TMEM108: variants seen among roughly 807,000 people sequenced by gnomAD.
The protein encoded by TMEM108 is cancer/testis antigen 124.
Under a neutral mutation model 35.1 loss-of-function variants are expected in TMEM108, and 12 were observed. The observed-to-expected ratio is 0.34, with a 90% CI of 0.22 to 0.55. The LOEUF is 0.55. Ranked by LOEUF, TMEM108 falls within the 20% of genes least tolerant of loss-of-function variation. The pLI, the probability that TMEM108 is intolerant of heterozygous loss-of-function variation, is 0.89. For missense variants in TMEM108, 680 were observed against 753.3 expected (o/e 0.90, Z 1.14); for synonymous variants, 287 against 308.6 (o/e 0.93, Z 0.73).
intron 2 of TMEM108, among the ~76,000 whole-genome samples, chr3:133,073,987 G>T (rs975358078): frequency 6.6e-6 from 1 of 151,884 alleles, no homozygotes; most frequent in African/African-American, 2.4e-5. Flanking sequence ...CAGGTCCTTT[G>T]CCCCCCATTT....
At chr3:133,293,952 A>C (rs1463906778) in intron 3 of TMEM108, among the ~76,000 whole-genome samples, 1 of 152,134 alleles carries the variant, frequency 6.6e-6, no homozygotes, top group Non-Finnish European at 1.5e-5. Context: ...CCAAGGGGAG[A>C]TGTTGCAAAC....
chr3:133,256,146 C>T (rs1946543002), intron 3 of TMEM108, among the ~76,000 whole-genome samples: 2 of 152,120 alleles, frequency 1.3e-5, no homozygotes, highest in African/African-American at 4.8e-5. Context: ...CAACAGCCAC[C>T]ACAGAATCAA....
At chr3:133,294,305 A>C (rs1947113445) in intron 3 of TMEM108, among the ~76,000 whole-genome samples, 2 of 152,206 alleles carry the variant, frequency 1.3e-5, no homozygotes, top group South Asian at 4.1e-4. Flanking sequence ...ACTTCTCAGA[A>C]GAATTAGGTA....
intron 2 of TMEM108, among the ~76,000 whole-genome samples, chr3:133,151,513 C>A (rs1403842723): frequency 6.6e-6 from 1 of 152,110 alleles, no homozygotes; most frequent in Non-Finnish European, 1.5e-5. Flanking sequence ...GCCATTTTAT[C>A]TCTTACATTC....
chr3:133,112,680 G>T (rs1944240339), intron 2 of TMEM108, among the ~76,000 whole-genome samples: 1 of 152,190 alleles, frequency 6.6e-6, no homozygotes, highest in African/African-American at 2.4e-5. Context: ...CCAGCACCTA[G>T]ATATTCCAAT....
chr3:133,199,768 G>A (rs901473766), intron 2 of TMEM108, among the ~76,000 whole-genome samples: 6 of 152,114 alleles, frequency 3.9e-5, no homozygotes, highest in African/African-American at 1.4e-4. Context: ...ACTCCGTGCT[G>A]GGAGAACCAC....
rs1033368699 is a variant in TMEM108 at position 133,137,882 on chromosome 3, G to T, written c.-46-91384G>T. 3.9e-5 allele frequency among the ~76,000 whole-genome samples: 6 copies of T among 152,262 alleles called. No homozygotes were observed. The South Asian group carries it at 1.2e-3, about 32-fold the overall frequency. On this transcript the variant is annotated intron_variant, in intron 2 of 5. Coordinates refer to ENST00000321871, the MANE Select transcript of TMEM108 (RefSeq NM_023943.4). ...CTTCCTGCATTCTACAAAGCTTAGGGGAAAACAGCATTTAATTTACATGGA... is the reference window on the plus strand; with the variant it reads ...CTTCCTGCATTCTACAAAGCTTAGGTGAAAACAGCATTTAATTTACATGGA...
intron 2 of TMEM108, among the ~76,000 whole-genome samples, chr3:133,130,310 C>T (rs1359996175): frequency 6.6e-6 from 1 of 152,198 alleles, no homozygotes; most frequent in Non-Finnish European, 1.5e-5. Context: ...GTGTATTTGA[C>T]TCATGAATCT....
intron 2 of TMEM108, among the ~76,000 whole-genome samples, chr3:133,174,556 C>T (rs570000527): frequency 6.6e-6 from 1 of 152,304 alleles, no homozygotes; most frequent in African/African-American, 2.4e-5. Flanking sequence ...TGCTGATACC[C>T]AGGGAAACAG....
intron 2 of TMEM108, among the ~76,000 whole-genome samples, chr3:133,210,917 T>C (rs1299759675): frequency 2.0e-5 from 3 of 152,180 alleles, no homozygotes; most frequent in Admixed American, 6.5e-5. Context: ...ATGATGTATT[T>C]TGAAAGATTA....
In TMEM108 at chr3:133,225,042, A is replaced by AT. The variant is rs11347955; in HGVS notation, c.-46-4204dup. On this transcript the variant is annotated intron_variant, in intron 2 of 5. Coordinates refer to ENST00000321871, the MANE Select transcript of TMEM108 (RefSeq NM_023943.4). ...AGCCTCTGGAAACTCAAACCTCCTA[A>AT]TTTTTTTTTTTTTTTTTTTTGAGTT... 3.9e-3 allele frequency among the ~76,000 whole-genome samples: 442 copies of AT among 112,910 alleles called. 7 individuals carry two copies. Among genetic ancestry groups the AT allele is most frequent in the East Asian group, 1.0e-2 (37 of 3,716 alleles). The allele number at this position is 112,910 out of a possible 152,430, so 74.1% of individuals were successfully genotyped here. A position where few individuals can be genotyped will look rare whatever the true frequency, so the allele number is the denominator to read the frequency against.
chr3:133,229,391 A>T, intron 3 of TMEM108, 40 bp downstream of exon 3: 1 of 1,598,662 alleles, frequency 6.3e-7, no homozygotes, highest in Non-Finnish European at 8.6e-7. Context: ...AAAATATACT[A>T]ATGTTATTAT....
At chr3:133,370,766 ATT>A (rs2072638090) in intron 3 of TMEM108, among the ~76,000 whole-genome samples, 1 of 152,046 alleles carries the variant, frequency 6.6e-6, no homozygotes, top group African/African-American at 2.4e-5. Context: ...CGCAAATTGT[ATT>A]TCCTTCTATA....
At chr3:133,368,121 G>A (rs1270100328) in intron 3 of TMEM108, among the ~76,000 whole-genome samples, 2 of 152,154 alleles carry the variant, frequency 1.3e-5, no homozygotes, top group Non-Finnish European at 2.9e-5. Flanking sequence ...TCTGACGAGT[G>A]CACTGGACCA....
chr3:133,057,693 T>C (rs1943487380), intron 2 of TMEM108, among the ~76,000 whole-genome samples: 1 of 152,134 alleles, frequency 6.6e-6, no homozygotes, highest in South Asian at 2.1e-4. Flanking sequence ...ATGGGAAAAT[T>C]GGTGGTATGA....
At chr3:133,212,624 T>TG (rs1349007847) in intron 2 of TMEM108, among the ~76,000 whole-genome samples, 6 of 151,980 alleles carry the variant, frequency 3.9e-5, no homozygotes, top group African/African-American at 1.4e-4. Flanking sequence ...CCCAGTACTT[T>TG]GGGAGGCCAA....
At chr3:133,143,764 A>G (rs1263209600) in intron 2 of TMEM108, among the ~76,000 whole-genome samples, 1 of 151,944 alleles carries the variant, frequency 6.6e-6, no homozygotes, top group Non-Finnish European at 1.5e-5. Context: ...CTTCGTACAC[A>G]AAGACTCCAT....
intron 2 of TMEM108, among the ~76,000 whole-genome samples, chr3:133,174,099 A>G (rs1170213722): frequency 6.6e-6 from 1 of 152,200 alleles, no homozygotes; most frequent in Non-Finnish European, 1.5e-5. Flanking sequence ...GCAGTCTGAG[A>G]TCAAACTGCA....
At chr3:133,191,581 T>C (rs1171055807) in intron 2 of TMEM108, among the ~76,000 whole-genome samples, 1 of 152,210 alleles carries the variant, frequency 6.6e-6, no homozygotes, top group Non-Finnish European at 1.5e-5. Context: ...GCAGATGATA[T>C]CACCTCTATC....
Sources: allele counts gnomAD v4.1 joint callset (sites outside exome capture counted in the v4.1 genomes callset), GRCh38; gene constraint gnomAD v4.1.1; transcripts MANE v1.5; gene names NCBI Gene and HGNC (gene_info 2026-07-23, HGNC 2026-07-21).